Variants in NOL4 observed in about 807,000 individuals in gnomAD.
NOL4 encodes the protein nucleolar protein 4, also known as cancer/testis antigen 125.
NOL4 carries 17 observed loss-of-function variants against 75.9 expected under a neutral mutation model. The observed-to-expected ratio is 0.22, with a 90% CI of 0.15 to 0.34. The LOEUF (loss-of-function observed/expected upper bound fraction) is 0.34, where lower values mean the gene tolerates loss of function less well. Among genes scored for constraint, NOL4 ranks in the 10% least tolerant of loss-of-function variants. NOL4 has a pLI of 1.00. For synonymous variants in NOL4, 292 were observed against 289.9 expected, an observed-to-expected ratio of 1.01 and a Z score of -0.07; for missense variants, 614 against 793.5, an observed-to-expected ratio of 0.77 and a Z score of 2.72.
intron 1 of NOL4, among the ~76,000 whole-genome samples, chr18:34,195,099 A>C (rs766522911): frequency 2.0e-5 from 3 of 152,106 alleles, no homozygotes; most frequent in Non-Finnish European, 2.9e-5. Flanking sequence ...TATCTTTTTA[A>C]GAGCTATTTA....
intron 8 of NOL4, among the ~76,000 whole-genome samples, chr18:33,947,000 T>G (rs2145616377): frequency 6.6e-6 from 1 of 151,754 alleles, no homozygotes; most frequent in Admixed American, 6.6e-5. Context: ...CTTCTAATAT[T>G]AATGAGCCAA....
intron 1 of NOL4, among the ~76,000 whole-genome samples, chr18:34,150,711 AG>A (rs1568396880): frequency 6.6e-6 from 1 of 151,750 alleles, no homozygotes; most frequent in Non-Finnish European, 1.5e-5. Flanking sequence ...ACAACACCAA[AG>A]TCATGATCCA....
intron 6 of NOL4, among the ~76,000 whole-genome samples, chr18:34,013,170 C>T (rs772811596): frequency 5.9e-5 from 9 of 151,860 alleles, no homozygotes; most frequent in Non-Finnish European, 4.4e-5. Context: ...GATATAGTAT[C>T]CCAATATCAA....
chr18:34,149,910 T>C (rs2081573386), intron 1 of NOL4, among the ~76,000 whole-genome samples: 1 of 151,582 alleles, frequency 6.6e-6, no homozygotes. Context: ...TATAACCTGG[T>C]TTATTTGAAG....
intron 1 of NOL4, among the ~76,000 whole-genome samples, chr18:34,137,305 T>A (rs550688205): frequency 1.3e-5 from 2 of 152,182 alleles, no homozygotes; most frequent in African/African-American, 4.8e-5. Flanking sequence ...CAAAAATATT[T>A]AAAATGTTTA....
intron 1 of NOL4, among the ~76,000 whole-genome samples, chr18:34,161,285 G>C (rs916250669): frequency 5.9e-5 from 9 of 152,102 alleles, no homozygotes; most frequent in African/African-American, 2.2e-4. Context: ...TGGGAGTGCA[G>C]ATGTCTCCTT....
At chr18:34,121,148 G>A (rs1211501160) in intron 2 of NOL4, 1 of 152,118 alleles carries the variant, frequency 6.6e-6, no homozygotes, top group East Asian at 1.9e-4. Flanking sequence ...CCTAAATATT[G>A]CATTAAATAA....
chr18:34,088,082 A>T (rs894957471), intron 5 of NOL4, among the ~76,000 whole-genome samples: 3 of 151,914 alleles, frequency 2.0e-5, no homozygotes, highest in Non-Finnish European at 4.4e-5. Context: ...CTTTCTAATT[A>T]TTTGTGCTTA....
intron 5 of NOL4, among the ~76,000 whole-genome samples, chr18:34,039,432 G>T (rs1050412427): frequency 1.3e-5 from 2 of 151,912 alleles, no homozygotes; most frequent in Admixed American, 6.6e-5. Flanking sequence ...AGACTTCAAT[G>T]AATCTCTAAT....
chr18:34,181,315 CT>C (rs2034010656), intron 1 of NOL4, among the ~76,000 whole-genome samples: 1 of 151,466 alleles, frequency 6.6e-6, no homozygotes, highest in African/African-American at 2.4e-5. Flanking sequence ...ACAATTCACT[CT>C]GGTAAATAAT....
intron 5 of NOL4, among the ~76,000 whole-genome samples, chr18:34,083,432 T>C (rs568465805): frequency 1.4e-4 from 21 of 152,290 alleles, no homozygotes; most frequent in South Asian, 1.0e-3. Context: ...GGTGTCTCCA[T>C]TGCTTTTAAT....
At chr18:34,187,496 C>T (rs1027880906) in intron 1 of NOL4, among the ~76,000 whole-genome samples, 1 of 151,804 alleles carries the variant, frequency 6.6e-6, no homozygotes, top group Non-Finnish European at 1.5e-5. Flanking sequence ...CCTGCCTCAG[C>T]CTCCCGCGTA....
At position 34,019,466 on chromosome 18, in the gene NOL4, G is replaced by C; in HGVS notation, c.908C>G (p.Pro303Arg). Residue 303 changes from proline (P) to arginine (R), a missense_variant, in exon 6 of 11, where the codon CCA becomes CGA. This residue lies in a region of NOL4 where 196 missense variants were observed against 167.9 expected (regional missense o/e 1.17). Transcript: ENST00000261592. ...GAGGGGACTGTCACTCAGGTTCAGT[G>C]GCTGTTCATCTTGCTCCAGCCCAGT... ...GKTGLEQDEQPLNLSDSPLSA... is the reference protein window; with the variant it reads ...GKTGLEQDEQRLNLSDSPLSA... 1 of 1,613,964 alleles carries C rather than the reference G, an allele frequency of 6.2e-7. No individual in the cohort carries two copies. The highest frequency in any genetic ancestry group is 8.5e-7 in the Non-Finnish European group (1 of 1,179,990).
chr18:34,098,680 A>T (rs1340020746), intron 4 of NOL4, among the ~76,000 whole-genome samples: 3 of 152,194 alleles, frequency 2.0e-5, no homozygotes, highest in Non-Finnish European at 4.4e-5. Flanking sequence ...GCTACACCAT[A>T]GCATTCTATT....
chr18:33,867,578 C>T (rs975618045), intron 10 of NOL4, among the ~76,000 whole-genome samples: 1 of 151,958 alleles, frequency 6.6e-6, no homozygotes, highest in Admixed American at 6.6e-5. Context: ...TATCACGCCC[C>T]TTGCTTACCA....
rs1414561064 is a variant in NOL4 at position 34,093,505 on chromosome 18, T to A, written c.732A>T (p.Glu244Asp). Residue 244 changes from glutamate (E) to aspartate (D), a missense_variant, in exon 5 of 11, where the codon GAA (glutamate) becomes GAT (aspartate). Physicochemically the swap from Glu to Asp is conservative, Grantham distance 45. Transcript: ENST00000261592. ...GAAGATTCTGGGGACTTTGCATTCT[T>A]TCTTCAAGATTGGAGCTAAGATCAG... ...VNSDLSSNLE[E>D]RMQSPQNLHG... 6.2e-7 allele frequency: 1 copy of A among 1,606,494 alleles called. No homozygotes were observed. Among genetic ancestry groups the A allele is most frequent in the Non-Finnish European group, 8.5e-7 (1 of 1,175,428 alleles).
chr18:33,961,982 T>A (rs774695306), intron 6 of NOL4, among the ~76,000 whole-genome samples: 8 of 152,118 alleles, frequency 5.3e-5, no homozygotes, highest in Non-Finnish European at 1.2e-4. Context: ...GCCCAGCACC[T>A]TTTTCTTTCA....
intron 9 of NOL4, among the ~76,000 whole-genome samples, chr18:33,898,565 C>A (rs1490188246): frequency 6.6e-6 from 1 of 152,108 alleles, no homozygotes; most frequent in Admixed American, 6.6e-5. Context: ...AGTACCACTT[C>A]CTTCAGTCAA....
chr18:33,932,122 G>A (rs1197020574), intron 9 of NOL4, among the ~76,000 whole-genome samples: 1 of 151,884 alleles, frequency 6.6e-6, no homozygotes, highest in Non-Finnish European at 1.5e-5. Context: ...CTCTTTTAGT[G>A]CCATAGTATC....
Sources: gnomAD v4.1 joint callset for allele counts (sites outside exome capture counted in the v4.1 genomes callset) on GRCh38, gnomAD v4.1.1 for gene constraint, gnomAD v4.1.1 regional missense constraint, MANE v1.5 for transcripts, NCBI Gene and HGNC (gene_info 2026-07-23, HGNC 2026-07-21) for gene names.